Variants in ASIC2 observed in about 807,000 individuals in gnomAD.
The protein encoded by ASIC2 is acid sensing ion channel subunit 2.
Under a neutral mutation model 57.3 loss-of-function variants are expected in ASIC2, and 25 were observed. The observed-to-expected ratio is 0.44, with a 90% CI of 0.32 to 0.61. The LOEUF (loss-of-function observed/expected upper bound fraction) is 0.61. ASIC2 is among the 20% of genes least tolerant of loss of function. The pLI is 0.06. For synonymous variants in ASIC2, 319 were observed against 307.5 expected (o/e 1.04, Z -0.39); for missense variants, 641 against 738.1 (o/e 0.87, Z 1.52).
intron 1 of ASIC2, among the ~76,000 whole-genome samples, chr17:33,339,426 A>G (rs1376888495): frequency 6.6e-6 from 1 of 152,238 alleles, no homozygotes; most frequent in Non-Finnish European, 1.5e-5. Context: ...CTGTGTTCTA[A>G]TAAAGCTTTA....
rs565404454 is a variant in ASIC2, at chr17:34,094,489, C to A, written c.555+61489G>T. ...GGATTGTGATCCAGTGTGGTTCTTA[C>A]AACATCCATGATGGACAGATGAGGA... is the stretch of plus-strand genomic sequence containing the variant. On this transcript the variant is annotated intron_variant, in intron 1 of 9. Coordinates refer to the ASIC2 transcript ENST00000359872. 3.3e-4 allele frequency among the ~76,000 whole-genome samples: 51 copies of A among 152,298 alleles called. 1 individual carries two copies. The highest frequency in any genetic ancestry group is 2.2e-3 in the Admixed American group (33 of 15,300).
intron 1 of ASIC2, among the ~76,000 whole-genome samples, chr17:33,510,181 G>C (rs958372026): frequency 6.6e-6 from 1 of 152,134 alleles, no homozygotes; most frequent in Non-Finnish European, 1.5e-5. Context: ...AGGTGGGTTG[G>C]GCCAGAGCAG....
intron 1 of ASIC2, among the ~76,000 whole-genome samples, chr17:33,687,088 GT>G (rs1201262789): frequency 6.6e-6 from 1 of 152,194 alleles, no homozygotes; most frequent in African/African-American, 2.4e-5. Flanking sequence ...CTGGGTCTCA[GT>G]TTTTTCATGT....
At chr17:33,623,045 A>G (rs1156503291) in intron 1 of ASIC2, among the ~76,000 whole-genome samples, 1 of 152,082 alleles carries the variant, frequency 6.6e-6, no homozygotes, top group Non-Finnish European at 1.5e-5. Context: ...GCTTGCTTTT[A>G]TTATTCATTG....
At chr17:33,383,251 C>T (rs1050881133) in intron 1 of ASIC2, among the ~76,000 whole-genome samples, 1 of 152,150 alleles carries the variant, frequency 6.6e-6, no homozygotes, top group South Asian at 2.1e-4. Context: ...ATACCCTTTC[C>T]TTTCATTAGA....
intron 1 of ASIC2, among the ~76,000 whole-genome samples, chr17:33,447,912 C>CAAAAAAAAAAAAAA (rs34092157): frequency 1.4e-5 from 1 of 73,084 alleles, no homozygotes. Context: ...GACTCAGTCT[C>CAAAAAAAAAAAAAA]AAAAAAAAAA....
At chr17:33,972,511 T>C (rs973683095) in intron 1 of ASIC2, among the ~76,000 whole-genome samples, 3 of 152,218 alleles carry the variant, frequency 2.0e-5, no homozygotes, top group Non-Finnish European at 2.9e-5. Flanking sequence ...ATGTGGTTTC[T>C]GACTATACAG....
chr17:33,519,306 G>A (rs1159428940), intron 1 of ASIC2, among the ~76,000 whole-genome samples: 1 of 152,134 alleles, frequency 6.6e-6, no homozygotes, highest in Non-Finnish European at 1.5e-5. Context: ...GTGGAAGTGA[G>A]GGAGGAATGC....
intron 1 of ASIC2, among the ~76,000 whole-genome samples, chr17:33,255,097 T>C (rs563854676): frequency 3.5e-4 from 49 of 140,176 alleles, no homozygotes; most frequent in African/African-American, 1.3e-3. Flanking sequence ...TGGAGTGCAG[T>C]GGCACGATCT....
intron 1 of ASIC2, among the ~76,000 whole-genome samples, chr17:33,841,362 C>T (rs1913430932): frequency 6.6e-6 from 1 of 152,110 alleles, no homozygotes; most frequent in Non-Finnish European, 1.5e-5. Context: ...CTTAAATGCA[C>T]TGTTTAATTT....
chr17:33,796,043 T>A (rs926998705), intron 1 of ASIC2, among the ~76,000 whole-genome samples: 1 of 152,208 alleles, frequency 6.6e-6, no homozygotes, highest in South Asian at 2.1e-4. Context: ...TTACTGTAAA[T>A]CTCCATGACT....
At chr17:33,735,149 A>G (rs966708094) in intron 1 of ASIC2, among the ~76,000 whole-genome samples, 2 of 151,380 alleles carry the variant, frequency 1.3e-5, no homozygotes, top group Non-Finnish European at 2.9e-5. Context: ...CAAACTCTTC[A>G]CCCTCATACT....
At chr17:33,454,076 A>G (rs1162213424) in intron 1 of ASIC2, among the ~76,000 whole-genome samples, 54 of 152,170 alleles carry the variant, frequency 3.5e-4, no homozygotes, top group Admixed American at 3.5e-3. Flanking sequence ...TGTGATGTGC[A>G]TTTGCCTACA....
chr17:33,650,105 A>G (rs2142038633), intron 1 of ASIC2, among the ~76,000 whole-genome samples: 1 of 152,350 alleles, frequency 6.6e-6, no homozygotes, highest in East Asian at 1.9e-4. Context: ...AAGTATTAGT[A>G]TTTGGAATAT....
intron 1 of ASIC2, among the ~76,000 whole-genome samples, chr17:33,821,181 A>T (rs1912736379): frequency 6.6e-6 from 1 of 152,206 alleles, no homozygotes; most frequent in Non-Finnish European, 1.5e-5. Flanking sequence ...GTCAAATCCC[A>T]TCTTAACATT....
chr17:33,740,551 A>G (rs538497556), intron 1 of ASIC2, among the ~76,000 whole-genome samples: 36 of 152,296 alleles, frequency 2.4e-4, no homozygotes, highest in Non-Finnish European at 4.3e-4. Flanking sequence ...GATCCCTACC[A>G]TGACACTTGG....
At chr17:33,169,380 A>G (rs1905422702) in intron 1 of ASIC2, among the ~76,000 whole-genome samples, 1 of 152,300 alleles carries the variant, frequency 6.6e-6, no homozygotes, top group South Asian at 2.1e-4. Flanking sequence ...GAACAAAACA[A>G]TAAAATGGGG....
At chr17:33,959,828 C>T (rs575094486) in intron 1 of ASIC2, among the ~76,000 whole-genome samples, 119 of 152,338 alleles carry the variant, frequency 7.8e-4, no homozygotes, top group African/African-American at 2.5e-3. Context: ...AGGAACAATA[C>T]TTTGCATCCT....
rs538219329 is a variant in ASIC2, at chr17:33,105,792, G to C, written c.859+6125C>G. ...TGAAGTCCAGGCTGAGGTGGTCTCA[G>C]ATGGAGATGAGGAACTTGTTGAAAG... On this transcript the variant is annotated intron_variant, in intron 2 of 9. Coordinates refer to ENST00000225823, the MANE Select transcript of ASIC2 (RefSeq NM_183377.2). Among the ~76,000 whole-genome samples the C allele has an allele frequency of 3.9e-5, 6 of 152,344 alleles. No individual in the cohort carries two copies. The East Asian group carries it at 9.6e-4, about 24-fold the overall frequency.
Sources: gnomAD v4.1 joint callset for allele counts (sites outside exome capture counted in the v4.1 genomes callset) on GRCh38, gnomAD v4.1.1 for gene constraint, MANE v1.5 for transcripts, NCBI Gene and HGNC (gene_info 2026-07-23, HGNC 2026-07-21) for gene names.